POMZP3: variants seen among roughly 807,000 people sequenced by gnomAD.
The protein encoded by POMZP3 is POM121 and ZP3 fusion, also known as POM121 and ZP3 fusion protein.
In POMZP3, 10 loss-of-function variants were observed where a neutral mutation model predicts 19.8. The ratio of observed to expected loss-of-function variants is 0.51; its 90% CI spans 0.31 to 0.86. The LOEUF (loss-of-function observed/expected upper bound fraction) is 0.86, where lower values mean the gene tolerates loss of function less well. Ranked by LOEUF, POMZP3 falls within the 40% of genes least tolerant of loss-of-function variation. The probability of loss-of-function intolerance (pLI) is 0.04; values close to 1 mark genes in which losing one functional copy is unlikely to be tolerated. For synonymous variants in POMZP3, 57 were observed against 85.8 expected, an observed-to-expected ratio of 0.66 and a Z score of 1.85; for missense variants, 152 against 228.1, an observed-to-expected ratio of 0.67 and a Z score of 2.15.
chr7:76,626,847 G>T lies in POMZP3; in HGVS notation c.-291C>A, dbSNP rs1261500488. The T allele has an allele frequency of 1.4e-6, 2 of 1,398,828 alleles. No homozygotes were observed. The highest frequency in any genetic ancestry group is 1.8e-6 in the Non-Finnish European group (2 of 1,085,614). The allele number at this position is 1,398,828 out of a possible 1,614,324, so 86.7% of individuals were successfully genotyped here. A position where few individuals can be genotyped will look rare whatever the true frequency, so the allele number is the denominator to read the frequency against. Reference sequence around the variant, plus strand: ...GGCGGCGGCCAGGCCTATTCCGCAGGTCCTGGCCCTCCGGAGCGGGGGCGG... The same window carrying T: ...GGCGGCGGCCAGGCCTATTCCGCAGTTCCTGGCCCTCCGGAGCGGGGGCGG... On this transcript the variant is annotated 5_prime_UTR_variant, in exon 1 of 7. Coordinates refer to ENST00000310842, the MANE Select transcript of POMZP3 (RefSeq NM_012230.5).
At chr7:76,619,077 C>G (rs1358785107) in intron 3 of POMZP3, among the ~76,000 whole-genome samples, 1 of 152,154 alleles carries the variant, frequency 6.6e-6, no homozygotes, top group Non-Finnish European at 1.5e-5. Context: ...CATGAGCCAC[C>G]ACGCCTGACT....
chr7:76,619,731 T>C (rs893745874), intron 3 of POMZP3, among the ~76,000 whole-genome samples: 2 of 134,422 alleles, frequency 1.5e-5, no homozygotes, highest in African/African-American at 6.1e-5. Flanking sequence ...GGGAGTGGTG[T>C]TGAGCAAAGA....
At chr7:76,622,558 G>A (rs1004100107) in intron 3 of POMZP3, among the ~76,000 whole-genome samples, 1 of 151,302 alleles carries the variant, frequency 6.6e-6, no homozygotes, top group African/African-American at 2.4e-5. Context: ...TAGAGACAGG[G>A]TTTCACCATC....
intron 3 of POMZP3, among the ~76,000 whole-genome samples, chr7:76,619,526 C>CA (rs976887586): frequency 6.6e-6 from 1 of 151,028 alleles, no homozygotes; most frequent in Non-Finnish European, 1.5e-5. Context: ...GTGGCAGGAG[C>CA]AGCGGCAGGA....
chr7:76,619,614 C>G (rs1362308938), intron 3 of POMZP3, among the ~76,000 whole-genome samples: 1 of 149,430 alleles, frequency 6.7e-6, no homozygotes, highest in African/African-American at 2.5e-5. Context: ...TGGAACTCCT[C>G]AAAGGCTGGG....
At chr7:76,625,261 C>G (rs998425005) in intron 3 of POMZP3, among the ~76,000 whole-genome samples, 2 of 150,288 alleles carry the variant, frequency 1.3e-5, no homozygotes, top group African/African-American at 4.9e-5. Context: ...TCTACAGAAG[C>G]ATGAGGCTAA....
In POMZP3 at chr7:76,626,955, C is replaced by T. The variant is rs1584359387; in HGVS notation, c.-399G>A. Reference sequence around the variant, plus strand: ...CAGGTCCTTCGAGCAGGGTCCGCGGCTCTAGGAGGTTTCCGTTGGCTGTCG... The same window carrying T: ...CAGGTCCTTCGAGCAGGGTCCGCGGTTCTAGGAGGTTTCCGTTGGCTGTCG... On this transcript the variant is annotated 5_prime_UTR_variant, in exon 1 of 7. Transcript: ENST00000310842. 13 of 1,406,124 alleles carry T rather than the reference C, an allele frequency of 9.2e-6. No homozygotes were observed. In the East Asian group the frequency reaches 3.5e-4, roughly 38 times the overall value. The allele number at this position is 1,406,124 out of a possible 1,614,324, so 87.1% of individuals were successfully genotyped here.
chr7:76,625,378 A>C (rs189466026), intron 3 of POMZP3, 144 bp downstream of exon 3: 8 of 1,311,694 alleles, frequency 6.1e-6, no homozygotes, highest in Non-Finnish European at 2.1e-6. Flanking sequence ...CCCTGTTATT[A>C]GGTTCTTTCA....
Position 76,627,130 on chromosome 7 carries a change from G to C in POMZP3, c.-574C>G. 7.0e-7 allele frequency: 1 copy of C among 1,429,742 alleles called. No individual in the cohort carries two copies. The highest frequency in any genetic ancestry group is 2.4e-5 in the Admixed American group (1 of 42,398). The allele number at this position is 1,429,742 out of a possible 1,614,324, so 88.6% of individuals were successfully genotyped here. A position where few individuals can be genotyped will look rare whatever the true frequency, so the allele number is the denominator to read the frequency against. On this transcript the variant is annotated 5_prime_UTR_variant, in exon 1 of 7. Transcript: ENST00000310842. ...CAGCCAGGCCAGCGCAGCCGCAGCA[G>C]GCACGAGGTACAGTAGGAGGCCGAC... is the stretch of plus-strand genomic sequence containing the variant.
intron 2 of POMZP3, 62 bp downstream of exon 2, chr7:76,625,938 C>G (rs1289141885): frequency 1.7e-5 from 28 of 1,602,620 alleles, no homozygotes; most frequent in Non-Finnish European, 2.2e-5. Flanking sequence ...GTCATAGGAA[C>G]AACTGGAGAA....
chr7:76,621,019 C>G (rs1815530118), intron 3 of POMZP3: 1 of 149,982 alleles, frequency 6.7e-6, no homozygotes, highest in Non-Finnish European at 1.5e-5. Flanking sequence ...CAGGCGCCCG[C>G]CACCACGTCC....
chr7:76,611,334 G>A, intron 6 of POMZP3, 120 bp downstream of exon 6: 1 of 1,155,124 alleles, frequency 8.7e-7, no homozygotes, highest in Non-Finnish European at 1.2e-6. Flanking sequence ...GTAGCTGCAG[G>A]CCTAGGTACA....
At chr7:76,624,607 A>T (rs1815757174) in intron 3 of POMZP3, among the ~76,000 whole-genome samples, 1 of 149,908 alleles carries the variant, frequency 6.7e-6, no homozygotes, top group South Asian at 2.1e-4. Context: ...CACCACATCC[A>T]GCTAATTTTT....
At chr7:76,615,448 C>T (rs1450728670) in intron 4 of POMZP3, 1 of 87,838 alleles carries the variant, frequency 1.1e-5, no homozygotes, top group East Asian at 2.6e-4. Context: ...TTCCCTTTTG[C>T]TACCCTACTG....
Position 76,627,076 on chromosome 7 carries a change from C to T in POMZP3, c.-520G>A, listed in dbSNP as rs924945729. 105 of 1,341,170 alleles carry T rather than the reference C, an allele frequency of 7.8e-5. 1 individual carries two copies. The highest frequency in any genetic ancestry group is 6.6e-4 in the Admixed American group (23 of 34,642). The allele number at this position is 1,341,170 out of a possible 1,614,324, so 83.1% of individuals were successfully genotyped here. ...CGAACCTCGGGGCTCGCGGCTCAGT[C>T]CCCACCAGGCCGCGGTAGTCCCCAC... On this transcript the variant is annotated 5_prime_UTR_variant, in exon 1 of 7. Transcript: ENST00000310842.
chr7:76,624,127 G>C (rs146357517), intron 3 of POMZP3, among the ~76,000 whole-genome samples: 4,264 of 90,428 alleles, frequency 0.047, 236 homozygotes, highest in African/African-American at 0.14. Context: ...TCCTAAAGTA[G>C]ATTGCTAATA....
intron 3 of POMZP3, among the ~76,000 whole-genome samples, chr7:76,622,745 G>A (rs1203061494): frequency 7.3e-5 from 11 of 151,652 alleles, no homozygotes; most frequent in Non-Finnish European, 1.2e-4. Context: ...ATATGATCAC[G>A]GCTCACTGCA....
intron 4 of POMZP3, among the ~76,000 whole-genome samples, chr7:76,612,045 A>G (rs1210467858): frequency 6.8e-6 from 1 of 147,984 alleles, no homozygotes; most frequent in Non-Finnish European, 1.5e-5. Context: ...CTAAAAATAC[A>G]AAGTTAGCTG....
At chr7:76,611,120 C>T (rs1347726003) in intron 6 of POMZP3, among the ~76,000 whole-genome samples, 3 of 144,004 alleles carry the variant, frequency 2.1e-5, no homozygotes, top group African/African-American at 7.9e-5. Context: ...GTGACCTGCC[C>T]GCCTTGGCCT....
Sources: allele counts gnomAD v4.1 joint callset (sites outside exome capture counted in the v4.1 genomes callset), GRCh38; gene constraint gnomAD v4.1.1; transcripts MANE v1.5; gene names NCBI Gene and HGNC (gene_info 2026-07-23, HGNC 2026-07-21).